Variants in CRMP1 observed in about 807,000 individuals in gnomAD.
CRMP1 encodes the protein collapsin response mediator protein 1.
Under a neutral mutation model 68.3 loss-of-function variants are expected in CRMP1, and 19 were observed. The observed-to-expected ratio is 0.28, with a 90% CI of 0.19 to 0.41. The LOEUF (loss-of-function observed/expected upper bound fraction) is 0.41, where lower values mean the gene tolerates loss of function less well. Ranked by LOEUF, CRMP1 falls within the 10% of genes least tolerant of loss-of-function variation. The probability of loss-of-function intolerance (pLI) is 1.00; values close to 1 mark genes in which losing one functional copy is unlikely to be tolerated. For missense variants in CRMP1, 791 were observed against 967.4 expected, an observed-to-expected ratio of 0.82 and a Z score of 2.42; for synonymous variants, 439 against 399.6, an observed-to-expected ratio of 1.10 and a Z score of -1.18.
In CRMP1 at chr4:5,879,770, C is replaced by A. The variant is rs905257874; in HGVS notation, c.381+12819G>T. Among the ~76,000 whole-genome samples the A allele has an allele frequency of 6.6e-6, 1 of 151,940 alleles. No individual in the cohort carries two copies. The highest frequency in any genetic ancestry group is 6.6e-5 in the Admixed American group (1 of 15,256). ...CAGAGGAGTTGATGGCCTTAGGAAGCCTTTAAACTCGTTTAAGAGGTTCCC... is the reference window on the plus strand; with the variant it reads ...CAGAGGAGTTGATGGCCTTAGGAAGACTTTAAACTCGTTTAAGAGGTTCCC... On this transcript the variant is annotated intron_variant, in intron 1 of 13. Transcript: ENST00000324989. The surrounding 1 kb of genome is among the most constrained non-coding windows in gnomAD (Gnocchi z 4.2).
In CRMP1 at chr4:5,890,583, C is replaced by T. The variant is rs1490363094; in HGVS notation, c.381+2006G>A. On this transcript the variant is annotated intron_variant, in intron 1 of 13. Transcript: ENST00000324989. This position sits in a 1 kb window ranked among gnomAD's most constrained non-coding sequence, Gnocchi z 5.5. Reference sequence around the variant, plus strand: ...CGCGAGCCCCTGAGTTCCACAGTCGCGAAGCTCGAGTGCTTTCGGAGCCCC... The same window carrying T: ...CGCGAGCCCCTGAGTTCCACAGTCGTGAAGCTCGAGTGCTTTCGGAGCCCC... Among the ~76,000 whole-genome samples, 4 of 151,930 alleles carry T rather than the reference C, an allele frequency of 2.6e-5. No individual in the cohort carries two copies. The highest frequency in any genetic ancestry group is 1.3e-4 in the Admixed American group (2 of 15,278).
chr4:5,822,146 T>A (rs1718710134), intron 13 of CRMP1, among the ~76,000 whole-genome samples: 1 of 152,238 alleles, frequency 6.6e-6, no homozygotes, highest in African/African-American at 2.4e-5. Context: ...ACTTACTGAG[T>A]GCCTACTGTG....
rs1011877327 is a variant in CRMP1, at chr4:5,883,875, G to A, written c.381+8714C>T. ...TTTATTAGAAGAAATGGGCATTCAC[G>A]GTTAAGGTGGTATAGTTACGTCACT... is the stretch of plus-strand genomic sequence containing the variant. On this transcript the variant is annotated intron_variant, in intron 1 of 13. Transcript: ENST00000324989. This position sits in a 1 kb window ranked among gnomAD's most constrained non-coding sequence, Gnocchi z 4.5. Among the ~76,000 whole-genome samples, 2 of 152,188 alleles carry A rather than the reference G, an allele frequency of 1.3e-5. No individual in the cohort carries two copies. Among genetic ancestry groups the A allele is most frequent in the African/African-American group, 4.8e-5 (2 of 41,438 alleles).
intron 11 of CRMP1, among the ~76,000 whole-genome samples, chr4:5,831,897 G>A (rs1255479236): frequency 6.6e-6 from 1 of 152,170 alleles, no homozygotes; most frequent in East Asian, 1.9e-4. Flanking sequence ...CCTCCAGGGA[G>A]AACTGGTTTC....
intron 1 of CRMP1, among the ~76,000 whole-genome samples, chr4:5,878,592 G>T (rs1251996764): frequency 6.6e-6 from 1 of 152,112 alleles, no homozygotes; most frequent in Non-Finnish European, 1.5e-5. Flanking sequence ...TAACAAAGAG[G>T]CGATGTTTGG....
At position 5,866,482 on chromosome 4, in the gene CRMP1, C is replaced by G. The variant is rs1714008995; in HGVS notation, c.470+186G>C. On this transcript the variant is annotated intron_variant, in intron 2 of 13. Transcript: ENST00000324989. This position sits in a 1 kb window ranked among gnomAD's most constrained non-coding sequence, Gnocchi z 5.9. ...CAGGGAGCCTAGCCCGGGGGGGCAC[C>G]CAAGAAATGCCAGCCCCTTCTCCAC... Among the ~76,000 whole-genome samples the G allele has an allele frequency of 6.6e-6, 1 of 152,220 alleles. No individual in the cohort carries two copies. Among genetic ancestry groups the G allele is most frequent in the South Asian group, 2.1e-4 (1 of 4,834 alleles).
chr4:5,858,310 C>T lies in CRMP1; in HGVS notation c.656-2003G>A, dbSNP rs915677916. Among the ~76,000 whole-genome samples, 5 of 152,154 alleles carry T rather than the reference C, an allele frequency of 3.3e-5. No individual in the cohort carries two copies. The highest frequency in any genetic ancestry group is 5.9e-5 in the Non-Finnish European group (4 of 68,026). ...GAAACACACCACTTGCTCTGAGCTA[C>T]AGAACTCTGAACCCGGTTGTGTTCT... On this transcript the variant is annotated intron_variant, in intron 3 of 13. Transcript: ENST00000324989. This position sits in a 1 kb window ranked among gnomAD's most constrained non-coding sequence, Gnocchi z 5.5.
At chr4:5,830,975 T>C (rs112935416) in intron 11 of CRMP1, among the ~76,000 whole-genome samples, 4,680 of 152,264 alleles carry the variant, frequency 0.031, 241 homozygotes, top group African/African-American at 0.11. Flanking sequence ...TGTTTGGTTG[T>C]TTTGAGACAG....
chr4:5,880,027 G>A (rs1056316151), intron 1 of CRMP1, among the ~76,000 whole-genome samples: 3 of 152,186 alleles, frequency 2.0e-5, no homozygotes, highest in Admixed American at 6.5e-5. Flanking sequence ...ATAGCAGTGT[G>A]GAAGAAGAAA....
intron 6 of CRMP1, among the ~76,000 whole-genome samples, chr4:5,847,395 C>T (rs527990828): frequency 2.0e-5 from 3 of 152,152 alleles, no homozygotes; most frequent in Non-Finnish European, 4.4e-5. Context: ...AGAGGAACAT[C>T]AATCATGGGG....
chr4:5,869,958 C>T (rs1714327539), intron 1 of CRMP1, among the ~76,000 whole-genome samples: 1 of 152,176 alleles, frequency 6.6e-6, no homozygotes, highest in Non-Finnish European at 1.5e-5. Context: ...GTCCCCTGGA[C>T]CAGGTCCCAT....
chr4:5,832,326 T>A (rs1368095773), intron 11 of CRMP1, among the ~76,000 whole-genome samples: 2 of 152,234 alleles, frequency 1.3e-5, no homozygotes, highest in African/African-American at 4.8e-5. Context: ...ATGAATTATA[T>A]CTCGATAAGA....
At chr4:5,829,398 A>G (rs1720184583) in intron 11 of CRMP1, among the ~76,000 whole-genome samples, 1 of 152,144 alleles carries the variant, frequency 6.6e-6, no homozygotes, top group African/African-American at 2.4e-5. Context: ...CCAGAAAAAA[A>G]CAAAACAAAA....
chr4:5,856,790 A>G (rs1204770137), intron 3 of CRMP1, among the ~76,000 whole-genome samples: 2 of 150,978 alleles, frequency 1.3e-5, no homozygotes, highest in African/African-American at 4.9e-5. Flanking sequence ...CATCAGCACC[A>G]TCATCACCAC....
Position 5,842,162 on chromosome 4 carries a change from C to T in CRMP1, c.1033-734G>A, listed in dbSNP as rs1000204643. Reference sequence around the variant, plus strand: ...CTGAGGCAGGAGAATGGTGTGAACCCGGGAGGCAGAGCTTGCAGTGAGCCA... The same window carrying T: ...CTGAGGCAGGAGAATGGTGTGAACCTGGGAGGCAGAGCTTGCAGTGAGCCA... On this transcript the variant is annotated intron_variant, in intron 7 of 13. Coordinates refer to ENST00000324989, the MANE Select transcript of CRMP1 (RefSeq NM_001014809.3). The surrounding 1 kb of genome is among the most constrained non-coding windows in gnomAD (Gnocchi z 4.5). Among the ~76,000 whole-genome samples, 3 of 152,080 alleles carry T rather than the reference C, an allele frequency of 2.0e-5. No homozygotes were observed. The highest frequency in any genetic ancestry group is 1.9e-4 in the East Asian group (1 of 5,160).
At position 5,825,797 on chromosome 4, in the gene CRMP1, A is replaced by C. The variant is rs1719480278; in HGVS notation, c.1804-138T>G. The C allele has an allele frequency of 6.3e-6, 5 of 787,418 alleles. No homozygotes were observed. The highest frequency in any genetic ancestry group is 1.0e-5 in the Non-Finnish European group (5 of 492,574). The allele number at this position is 787,418 out of a possible 1,614,324, so 48.8% of individuals were successfully genotyped here. ...GCATGCACACACACACACAACACGC[A>C]CACACGACAGGTGCACTTCACACAC... On this transcript the variant is annotated intron_variant, in intron 12 of 13. Coordinates refer to ENST00000324989, the MANE Select transcript of CRMP1 (RefSeq NM_001014809.3). The surrounding 1 kb of genome is among the most constrained non-coding windows in gnomAD (Gnocchi z 4.4).
In CRMP1 at chr4:5,889,806, A is replaced by G; in HGVS notation, c.381+2783T>C. 2 of 1,516,790 alleles carry G rather than the reference A, an allele frequency of 1.3e-6. No homozygotes were observed. The highest frequency in any genetic ancestry group is 1.8e-6 in the Non-Finnish European group (2 of 1,135,294). 94.0% of individuals were successfully genotyped at this position (1,516,790 alleles called of 1,614,324 possible). ...CCTGACCTTCACCACCCCAGGGGCC[A>G]GTCCCCTAATCCAGGGCAGGAGGCC... is the stretch of plus-strand genomic sequence containing the variant. On this transcript the variant is annotated intron_variant, in intron 1 of 13. Transcript: ENST00000324989. The surrounding 1 kb of genome is among the most constrained non-coding windows in gnomAD (Gnocchi z 4.5).
rs1204865689 is a variant in CRMP1 at position 5,842,872 on chromosome 4, TTGGAG to T, written c.1032+216_1032+220del. 1.3e-5 allele frequency among the ~76,000 whole-genome samples: 2 copies of T among 152,152 alleles called. No homozygotes were observed. Among genetic ancestry groups the T allele is most frequent in the African/African-American group, 2.4e-5 (1 of 41,440 alleles). On this transcript the variant is annotated intron_variant, in intron 7 of 13. Transcript: ENST00000324989. This position sits in a 1 kb window ranked among gnomAD's most constrained non-coding sequence, Gnocchi z 4.5. ...GGGACACTGAAGCACCCACGGGGCC[TTGGAG>T]TGAAGTTCCAGGACCCTGGGAGAGG...
At position 5,888,841 on chromosome 4, in the gene CRMP1, G is replaced by A. The variant is rs1715802342; in HGVS notation, c.381+3748C>T. Among the ~76,000 whole-genome samples, 1 of 151,894 alleles carries A rather than the reference G, an allele frequency of 6.6e-6. No individual in the cohort carries two copies. The highest frequency in any genetic ancestry group is 1.5e-5 in the Non-Finnish European group (1 of 67,926). Reference sequence around the variant, plus strand: ...ACATCTGCGGGGGTGTGGGGGGAGGGAGTGTGGGACGGGGGCCAAGGATCG... The same window carrying A: ...ACATCTGCGGGGGTGTGGGGGGAGGAAGTGTGGGACGGGGGCCAAGGATCG... On this transcript the variant is annotated intron_variant, in intron 1 of 13. Transcript: ENST00000324989. The surrounding 1 kb of genome is among the most constrained non-coding windows in gnomAD (Gnocchi z 6.4).
Sources: gnomAD v4.1 joint callset for allele counts (sites outside exome capture counted in the v4.1 genomes callset) on GRCh38, gnomAD v4.1.1 for gene constraint, Gnocchi (gnomAD v3.1) non-coding constraint, MANE v1.5 for transcripts, NCBI Gene and HGNC (gene_info 2026-07-23, HGNC 2026-07-21) for gene names.